The following COG4 variants were observed in gnomAD, a reference collection of about 807,000 sequenced individuals.
COG4 encodes component of oligomeric golgi complex 4, also known as conserved oligomeric Golgi complex subunit 4.
COG4 carries 65 observed loss-of-function variants against 95.1 expected under a neutral mutation model. The observed-to-expected ratio is 0.68, with a 90% CI of 0.56 to 0.84. The LOEUF (loss-of-function observed/expected upper bound fraction) is 0.84, where lower values mean the gene tolerates loss of function less well. COG4 is among the 40% of genes least tolerant of loss of function. The pLI, the probability that COG4 is intolerant of heterozygous loss-of-function variation, is 0.00. For missense variants in COG4, 1,045 were observed against 989.1 expected (o/e 1.06, Z -0.76); for synonymous variants, 421 against 374.8 (o/e 1.12, Z -1.42).
intron 13 of COG4, 67 bp downstream of exon 13, chr16:70,490,263 G>A: frequency 7.9e-7 from 1 of 1,267,390 alleles, no homozygotes; most frequent in Non-Finnish European, 1.2e-6. Flanking sequence ...CATGATGTTT[G>A]TATAGGGCTC....
chr16:70,517,155 TC>T (rs1303953622), intron 3 of COG4, among the ~76,000 whole-genome samples: 1 of 152,062 alleles, frequency 6.6e-6, no homozygotes. Flanking sequence ...TGTTCTGGCC[TC>T]CTAAAGTGAT....
chr16:70,522,315 C>A (rs1283826520), intron 1 of COG4, among the ~76,000 whole-genome samples: 3 of 152,196 alleles, frequency 2.0e-5, no homozygotes, highest in Non-Finnish European at 4.4e-5. Flanking sequence ...TTTTAAAACA[C>A]ATCTTGCTGA....
At chr16:70,512,648 A>T (rs2049733185) in intron 4 of COG4, among the ~76,000 whole-genome samples, 1 of 152,194 alleles carries the variant, frequency 6.6e-6, no homozygotes, top group Non-Finnish European at 1.5e-5. Context: ...TTGTGCACAA[A>T]TCAAGATGAT....
intron 2 of COG4, among the ~76,000 whole-genome samples, chr16:70,518,659 TAACA>T (rs2049874008): frequency 6.6e-6 from 1 of 152,072 alleles, no homozygotes; most frequent in South Asian, 2.1e-4. Context: ...TTTTTATGAC[TAACA>T]AATATACCCA....
intron 12 of COG4, among the ~76,000 whole-genome samples, chr16:70,493,381 G>A (rs1408199243): frequency 6.6e-6 from 1 of 152,026 alleles, no homozygotes; most frequent in African/African-American, 2.4e-5. Context: ...AGCACCTGAA[G>A]CATAGCTAGT....
Position 70,517,653 on chromosome 16 carries a change from G to T in COG4, c.342C>A (p.Ser114Arg), listed in dbSNP as rs753331147. ...FTCNLAENVS[S>R]KVRQLDLAKN... ...TGGCCAGGTCAAGCTGACGAACTTT[G>T]CTGGACACATTCTCAGCCAGGTTGC... is the stretch of plus-strand genomic sequence containing the variant. Residue 114 changes from serine (S) to arginine (R), a missense_variant, in exon 3 of 19, where the codon AGC (serine) becomes AGA (arginine). Ser to Arg is a moderately radical substitution (Grantham distance 110, BLOSUM62 -1). Transcript: ENST00000323786. 16 of 1,583,030 alleles carry T rather than the reference G, an allele frequency of 1.0e-5. No homozygotes were observed. The East Asian group carries it at 3.0e-4, about 29-fold the overall frequency.
chr16:70,490,253 CATG>C lies in COG4; in HGVS notation c.1710+74_1710+76del, dbSNP rs1206552353. ...ATGTCACCAAGATAAGTGTCTTCAC[CATG>C]ATGTTTGTATAGGGCTCTATCTCAA... On this transcript the variant is annotated intron_variant, in intron 13 of 18. Transcript: ENST00000323786. 8.4e-6 allele frequency: 10 copies of C among 1,188,324 alleles called. No individual in the cohort carries two copies. The East Asian group carries it at 1.4e-4, about 17-fold the overall frequency. 73.6% of individuals were successfully genotyped at this position (1,188,324 alleles called of 1,614,324 possible).
chr16:70,522,480 C>A (rs1229461039), intron 1 of COG4, among the ~76,000 whole-genome samples: 3 of 152,114 alleles, frequency 2.0e-5, no homozygotes, highest in Non-Finnish European at 2.9e-5. Context: ...CAAAAAACAC[C>A]ACACACATCT....
chr16:70,484,076 C>A, intron 13 of COG4, 107 bp from the exon 14 acceptor site: 1 of 852,138 alleles, frequency 1.2e-6, no homozygotes, highest in East Asian at 2.5e-5. Context: ...CTGTCAAGAG[C>A]CCGGATGGGT....
intron 9 of COG4, 52 bp from the exon 10 acceptor site, chr16:70,498,107 G>T: frequency 8.6e-7 from 1 of 1,159,928 alleles, no homozygotes; most frequent in South Asian, 1.2e-5. Context: ...AAGGGAAACA[G>T]AGCAACTTTT....
In COG4 at chr16:70,508,464, A is replaced by T; in HGVS notation, c.1003T>A (p.Phe335Ile). ...FIKQRDYHQQ[F>I]RHVQNNLMRN... ...ATCAGGTTGTTCTGAACATGCCGGAACTGCAACATACCACAGGAATGAGAA... is the reference window on the plus strand; with the variant it reads ...ATCAGGTTGTTCTGAACATGCCGGATCTGCAACATACCACAGGAATGAGAA... Residue 335 changes from phenylalanine to isoleucine, a missense_variant and splice_region_variant, in exon 8 of 19, where the codon TTC becomes ATC. Coordinates refer to ENST00000323786, the MANE Select transcript of COG4 (RefSeq NM_015386.3). 6.2e-7 allele frequency: 1 copy of T among 1,613,908 alleles called. No homozygotes were observed. The highest frequency in any genetic ancestry group is 8.5e-7 in the Non-Finnish European group (1 of 1,179,744).
intron 17 of COG4, 75 bp from the exon 18 acceptor site, chr16:70,481,562 G>C: frequency 6.2e-7 from 1 of 1,601,094 alleles, no homozygotes; most frequent in Non-Finnish European, 8.5e-7. Flanking sequence ...CCCCAGAGCT[G>C]GGTGGCAAGG....
Position 70,523,246 on chromosome 16 carries a change from C to T in COG4, c.171+127G>A, listed in dbSNP as rs1254340944. The T allele has an allele frequency of 3.4e-6, 4 of 1,181,114 alleles. No homozygotes were observed. In the Admixed American group the frequency reaches 5.1e-5, roughly 15 times the overall value. 73.2% of individuals were successfully genotyped at this position (1,181,114 alleles called of 1,614,324 possible). A position where few individuals can be genotyped will look rare whatever the true frequency, so the allele number is the denominator to read the frequency against. Reference sequence around the variant, plus strand: ...ACTACTCATATACCCGACTAGCTTCCGCTTCTTTGTTTTCCCGCTTTTTTG... The same window carrying T: ...ACTACTCATATACCCGACTAGCTTCTGCTTCTTTGTTTTCCCGCTTTTTTG... On this transcript the variant is annotated intron_variant, in intron 1 of 18. Coordinates refer to ENST00000323786, the MANE Select transcript of COG4 (RefSeq NM_015386.3).
At chr16:70,501,598 C>T (rs1001023944) in intron 8 of COG4, 2 of 161,132 alleles carry the variant, frequency 1.2e-5, no homozygotes, top group South Asian at 1.7e-4. Context: ...TCGTGATCCG[C>T]CCGCCTCAAC....
At position 70,492,781 on chromosome 16, in the gene COG4, G is replaced by C. The variant is rs190677671; in HGVS notation, c.1648-2389C>G. 1.4e-4 allele frequency among the ~76,000 whole-genome samples: 22 copies of C among 151,920 alleles called. No homozygotes were observed. The East Asian group carries it at 3.7e-3, about 25-fold the overall frequency. On this transcript the variant is annotated intron_variant, in intron 12 of 18. Transcript: ENST00000323786. ...AGTTCGAGACCATCCTGGCCAACAT[G>C]GCAAAACCCCGTCTCTACTAAAAAT...
intron 13 of COG4, among the ~76,000 whole-genome samples, chr16:70,484,605 T>C (rs577271588): frequency 6.6e-6 from 1 of 152,356 alleles, no homozygotes; most frequent in East Asian, 1.9e-4. Context: ...CATTTCACTT[T>C]TATTAAAGTA....
chr16:70,504,219 AC>A (rs2049512051), intron 8 of COG4, among the ~76,000 whole-genome samples: 1 of 151,016 alleles, frequency 6.6e-6, no homozygotes, highest in Admixed American at 6.6e-5. Context: ...CCCTACCCAT[AC>A]CCCCCTGGGG....
intron 12 of COG4, among the ~76,000 whole-genome samples, chr16:70,492,502 A>G (rs1156563959): frequency 6.6e-6 from 1 of 151,306 alleles, no homozygotes; most frequent in Non-Finnish European, 1.5e-5. Flanking sequence ...CTACTAAAAA[A>G]AATACAAAAT....
At chr16:70,489,107 T>G (rs9928617) in intron 13 of COG4, among the ~76,000 whole-genome samples, 18,402 of 152,204 alleles carry the variant, frequency 0.12, 3,677 homozygotes, top group African/African-American at 0.42. Flanking sequence ...ATACTCTGCT[T>G]CCTTCCTCTA....
Sources: allele counts gnomAD v4.1 joint callset (sites outside exome capture counted in the v4.1 genomes callset), GRCh38; gene constraint gnomAD v4.1.1; transcripts MANE v1.5; gene names NCBI Gene and HGNC (gene_info 2026-07-23, HGNC 2026-07-21).